TRMT11: variants seen among roughly 807,000 people sequenced by gnomAD.
The protein encoded by TRMT11 is tRNA methyltransferase 11.
A neutral mutation model predicts 62.8 loss-of-function variants in TRMT11; 53 were observed. The ratio of observed to expected loss-of-function variants is 0.84; its 90% CI spans 0.68 to 1.06. TRMT11 has a LOEUF of 1.06. Among genes scored for constraint, TRMT11 ranks in the 50% least tolerant of loss-of-function variants. TRMT11 has a pLI of 0.00. For synonymous variants in TRMT11, 188 were observed against 190.3 expected, an observed-to-expected ratio of 0.99 and a Z score of 0.10; for missense variants, 556 against 553.4, an observed-to-expected ratio of 1.00 and a Z score of -0.05.
At chr6:126,000,630 T>C (rs750932575) in intron 7 of TRMT11, among the ~76,000 whole-genome samples, 1 of 152,260 alleles carries the variant, frequency 6.6e-6, no homozygotes, top group East Asian at 1.9e-4. Context: ...TCTCTCTGCA[T>C]TGGGATCTGC....
At chr6:126,215,810 A>G in the TRMT11 span, among the ~76,000 whole-genome samples, 1 of 152,082 alleles carries the variant, frequency 6.6e-6, no homozygotes, top group Non-Finnish European at 1.5e-5. Context: ...AACTATTTTA[A>G]ATTAATGACA....
At chr6:126,063,162 T>C (rs1776586886) in intron 17 of TRMT11, among the ~76,000 whole-genome samples, 1 of 152,212 alleles carries the variant, frequency 6.6e-6, no homozygotes, top group Non-Finnish European at 1.5e-5. Flanking sequence ...TTATTTTATT[T>C]TATTGACTTG....
the TRMT11 span, among the ~76,000 whole-genome samples, chr6:126,229,703 A>C: frequency 6.6e-6 from 1 of 152,142 alleles, no homozygotes; most frequent in South Asian, 2.1e-4. Flanking sequence ...TGTGGGTTGA[A>C]GGGCACCTCT....
rs367947031 is a variant in TRMT11 at position 126,013,175 on chromosome 6, A to G, written c.1139+74A>G. 9 of 1,374,570 alleles carry G rather than the reference A, an allele frequency of 6.5e-6. No homozygotes were observed. In the African/African-American group the frequency reaches 1.3e-4, roughly 20 times the overall value. The allele number at this position is 1,374,570 out of a possible 1,614,324, so 85.1% of individuals were successfully genotyped here. ...GCGTATCTAGTATAATTTTCTCTTT[A>G]TCTCTTCTTGCATTTGGTGCATCTT... is the stretch of plus-strand genomic sequence containing the variant. On this transcript the variant is annotated intron_variant, in intron 11 of 12. Transcript: ENST00000334379.
the TRMT11 span, among the ~76,000 whole-genome samples, chr6:126,241,765 C>T: frequency 6.6e-6 from 1 of 152,184 alleles, no homozygotes; most frequent in Non-Finnish European, 1.5e-5. Flanking sequence ...TAAAAACTCT[C>T]AATAAATTAG....
chr6:126,166,417 C>T (rs1254605670), intron 21 of TRMT11, among the ~76,000 whole-genome samples: 1 of 152,120 alleles, frequency 6.6e-6, no homozygotes, highest in African/African-American at 2.4e-5. Context: ...CTGGAGTTTG[C>T]TGGAGTTCCA....
intron 16 of TRMT11, among the ~76,000 whole-genome samples, chr6:126,052,111 C>G (rs1015972998): frequency 2.6e-5 from 4 of 152,136 alleles, no homozygotes; most frequent in African/African-American, 9.7e-5. Flanking sequence ...TAAAATTTCT[C>G]CACTGTGCCA....
At chr6:126,252,006 G>A in the TRMT11 span, among the ~76,000 whole-genome samples, 1 of 152,218 alleles carries the variant, frequency 6.6e-6, no homozygotes, top group Non-Finnish European at 1.5e-5. Context: ...TGCATGAGAT[G>A]TAAATGCTAA....
chr6:126,002,755 C>T (rs1364719565), intron 7 of TRMT11, among the ~76,000 whole-genome samples: 4 of 152,094 alleles, frequency 2.6e-5, no homozygotes, highest in Non-Finnish European at 4.4e-5. Flanking sequence ...ACCTTTATAA[C>T]GCTTCCAGCC....
At chr6:126,267,959 C>T in the TRMT11 span, among the ~76,000 whole-genome samples, 2 of 152,018 alleles carry the variant, frequency 1.3e-5, no homozygotes, top group African/African-American at 4.8e-5. Context: ...ATTTTGCTAG[C>T]CCCAGAAGAT....
At chr6:126,102,038 G>A (rs1325977229) in intron 17 of TRMT11, among the ~76,000 whole-genome samples, 3 of 152,156 alleles carry the variant, frequency 2.0e-5, no homozygotes, top group African/African-American at 7.2e-5. Context: ...TAGATGTAGT[G>A]CGTTCTAAAT....
chr6:125,988,821 C>CATTG (rs373939612), intron 1 of TRMT11, among the ~76,000 whole-genome samples: 13 of 152,284 alleles, frequency 8.5e-5, no homozygotes, highest in African/African-American at 3.1e-4. Context: ...GTGTTTAACT[C>CATTG]ATTGGCCTTA....
At chr6:126,210,875 T>C in the TRMT11 span, among the ~76,000 whole-genome samples, 1 of 152,196 alleles carries the variant, frequency 6.6e-6, no homozygotes, top group African/African-American at 2.4e-5. Flanking sequence ...ATTCATTTTA[T>C]GTATTTGTGG....
chr6:126,125,849 A>G (rs911644935), intron 21 of TRMT11, among the ~76,000 whole-genome samples: 4 of 138,740 alleles, frequency 2.9e-5, no homozygotes, highest in Admixed American at 2.8e-4. Flanking sequence ...GTAGGATGAA[A>G]TGTTAAAAAA....
intron 21 of TRMT11, among the ~76,000 whole-genome samples, chr6:126,159,028 G>T (rs1778157259): frequency 6.6e-6 from 1 of 152,066 alleles, no homozygotes; most frequent in South Asian, 2.1e-4. Context: ...GTGCAGATGT[G>T]GGTGACATTT....
At chr6:126,122,579 A>C (rs1777662874) in intron 21 of TRMT11, among the ~76,000 whole-genome samples, 1 of 152,154 alleles carries the variant, frequency 6.6e-6, no homozygotes, top group South Asian at 2.1e-4. Context: ...CACCAGAAGG[A>C]AGGAATGCAT....
At chr6:126,077,935 A>G (rs1777066324) in intron 17 of TRMT11, among the ~76,000 whole-genome samples, 1 of 152,156 alleles carries the variant, frequency 6.6e-6, no homozygotes, top group African/African-American at 2.4e-5. Flanking sequence ...TTAATCATAG[A>G]CTGTGTACCT....
At chr6:126,002,575 A>G (rs1470006565) in intron 7 of TRMT11, among the ~76,000 whole-genome samples, 2 of 152,038 alleles carry the variant, frequency 1.3e-5, no homozygotes, top group Non-Finnish European at 2.9e-5. Context: ...TTCCCTTTTC[A>G]TTTAAAATTC....
intron 17 of TRMT11, among the ~76,000 whole-genome samples, chr6:126,096,270 A>G (rs1267924150): frequency 1.3e-5 from 2 of 152,164 alleles, no homozygotes; most frequent in Non-Finnish European, 2.9e-5. Flanking sequence ...GCTCTAGTTT[A>G]TCATTCATTC....
Sources: allele counts gnomAD v4.1 joint callset (sites outside exome capture counted in the v4.1 genomes callset), GRCh38; gene constraint gnomAD v4.1.1; transcripts MANE v1.5; gene names NCBI Gene and HGNC (gene_info 2026-07-23, HGNC 2026-07-21).